The following KCNC4 variants were observed in gnomAD, a reference collection of about 807,000 sequenced individuals.
KCNC4 encodes potassium voltage-gated channel subfamily C member 4.
KCNC4 carries 23 observed loss-of-function variants against 42.8 expected under a neutral mutation model. That is an observed-to-expected ratio of 0.54 (90% CI 0.39 to 0.76). KCNC4 has a LOEUF of 0.76. Among genes scored for constraint, KCNC4 ranks in the 30% least tolerant of loss-of-function variants. The probability of loss-of-function intolerance (pLI) is 0.00; values close to 1 mark genes in which losing one functional copy is unlikely to be tolerated. For synonymous variants in KCNC4, 422 were observed against 393.5 expected (o/e 1.07, Z -0.86); for missense variants, 751 against 898.2 (o/e 0.84, Z 2.10).
chr1:110,223,852 A>G lies in KCNC4; in HGVS notation c.1567A>G (p.Thr523Ala). 6.2e-7 allele frequency: 1 copy of G among 1,607,524 alleles called. No individual in the cohort carries two copies. Among genetic ancestry groups the G allele is most frequent in the East Asian group, 2.2e-5 (1 of 44,758 alleles). The change falls in exon 2 of 4, where the codon ACC (threonine) becomes GCC (alanine). Residue 523 changes from threonine to alanine, a missense_variant. By Grantham distance (58) the Thr-to-Ala change is moderately conservative (BLOSUM62 0). Coordinates refer to ENST00000438661, the MANE Select transcript of KCNC4 (RefSeq NM_001039574.3). The surrounding 1 kb of genome is among the most constrained non-coding windows in gnomAD (Gnocchi z 7.5). Reference sequence around the variant, plus strand: ...CCCCCGGGACAGCACCTGCAGTGATACCAGCCCCCCTGCCCGGGAAGAGGG... The same window carrying G: ...CCCCCGGGACAGCACCTGCAGTGATGCCAGCCCCCCTGCCCGGGAAGAGGG... ...TSPRDSTCSD[T>A]SPPAREEGMI...
In KCNC4 at chr1:110,211,445, G is replaced by A; in HGVS notation, c.-55G>A. On this transcript the variant is annotated 5_prime_UTR_variant, in exon 1 of 4. Coordinates refer to ENST00000438661, the MANE Select transcript of KCNC4 (RefSeq NM_001039574.3). The surrounding 1 kb of genome is among the most constrained non-coding windows in gnomAD (Gnocchi z 6.5). ...CCCCCGTCTGACGCTGCCTCCTCGG[G>A]AAGGGTGTTTGGAGGGCAGCGGCCG... The A allele has an allele frequency of 6.5e-7, 1 of 1,543,496 alleles. No individual in the cohort carries two copies. The highest frequency in any genetic ancestry group is 8.8e-7 in the Non-Finnish European group (1 of 1,140,728).
chr1:110,263,597 C>G (rs770724925), intron 1 of KCNC4, among the ~76,000 whole-genome samples: 11 of 152,146 alleles, frequency 7.2e-5, no homozygotes, highest in Non-Finnish European at 1.5e-4. Flanking sequence ...CATCATCTGA[C>G]CCACAGTGTT....
At chr1:110,212,587 T>A (rs557703850) in intron 1 of KCNC4, among the ~76,000 whole-genome samples, 1 of 152,060 alleles carries the variant, frequency 6.6e-6, no homozygotes. Context: ...CAGGCAGGGT[T>A]GAGAGGAAGG....
intron 1 of KCNC4, among the ~76,000 whole-genome samples, chr1:110,276,299 CAAAAA>C (rs3062031): frequency 0.22 from 21,426 of 99,268 alleles, 1,227 homozygotes; most frequent in South Asian, 0.36. Context: ...TCAATTTATA[CAAAAA>C]AAAAAAAAAA....
intron 1 of KCNC4, among the ~76,000 whole-genome samples, chr1:110,261,790 A>C (rs1235328323): frequency 6.6e-6 from 1 of 152,240 alleles, no homozygotes; most frequent in Non-Finnish European, 1.5e-5. Flanking sequence ...GAAATGGGAT[A>C]TGGAGTGACC....
At chr1:110,242,766 T>C (rs1659056011) in exon 4 of KCNC4, 1 of 149,104 alleles carries the variant, frequency 6.7e-6, no homozygotes, top group Non-Finnish European at 1.5e-5. Flanking sequence ...CCCCAGGAGG[T>C]AAGGGCTCTT....
intron 1 of KCNC4, among the ~76,000 whole-genome samples, chr1:110,216,656 G>A (rs779483717): frequency 1.4e-4 from 21 of 152,176 alleles, no homozygotes; most frequent in Non-Finnish European, 2.5e-4. Flanking sequence ...TTGGCCTTGA[G>A]GGTAGGAGAC....
At position 110,223,451 on chromosome 1, in the gene KCNC4, C is replaced by T; in HGVS notation, c.1166C>T (p.Ala389Val). 6.2e-7 allele frequency: 1 copy of T among 1,613,992 alleles called. No homozygotes were observed. Among genetic ancestry groups the T allele is most frequent in the Non-Finnish European group, 8.5e-7 (1 of 1,180,034 alleles). ...NEFLLLIIFLALGVLIFATMI... is the reference protein window; with the variant it reads ...NEFLLLIIFLVLGVLIFATMI... ...TTCCTGCTGCTTATCATCTTCCTGG[C>T]CCTGGGTGTGCTCATCTTTGCCACC... The change falls in exon 2 of 4, where the codon GCC becomes GTC. Residue 389 changes from alanine (A) to valine (V), a missense_variant. By Grantham distance (64) the Ala-to-Val change is moderately conservative. Coordinates refer to ENST00000438661, the MANE Select transcript of KCNC4 (RefSeq NM_001039574.3). The surrounding 1 kb of genome is among the most constrained non-coding windows in gnomAD (Gnocchi z 7.5).
intron 1 of KCNC4, among the ~76,000 whole-genome samples, chr1:110,258,478 C>T (rs1037953024): frequency 2.6e-5 from 4 of 152,146 alleles, no homozygotes; most frequent in East Asian, 1.9e-4. Flanking sequence ...CCTCATGATC[C>T]GCCCGCCTCA....
chr1:110,219,069 T>G (rs1388504343), intron 1 of KCNC4, among the ~76,000 whole-genome samples: 3 of 152,178 alleles, frequency 2.0e-5, no homozygotes, highest in African/African-American at 7.2e-5. Context: ...TGGAAAGAAC[T>G]AGCAGCTTCA....
intron 1 of KCNC4, among the ~76,000 whole-genome samples, chr1:110,273,001 G>C (rs6682717): frequency 0.55 from 83,203 of 152,048 alleles, 23,093 homozygotes; most frequent in Admixed American, 0.62. Context: ...TGGTGTCTAT[G>C]TAAATCTCCG....
chr1:110,266,843 C>T (rs1659548037), intron 1 of KCNC4, among the ~76,000 whole-genome samples: 1 of 152,152 alleles, frequency 6.6e-6, no homozygotes. Context: ...CCCGAGGACC[C>T]CGTGCCTTGA....
chr1:110,216,500 G>A (rs1657801917), intron 1 of KCNC4, among the ~76,000 whole-genome samples: 1 of 152,192 alleles, frequency 6.6e-6, no homozygotes, highest in Non-Finnish European at 1.5e-5. Flanking sequence ...ATCAACATTT[G>A]TCTCTGAACA....
downstream of KCNC4, among the ~76,000 whole-genome samples, chr1:110,251,600 A>G (rs564343240): frequency 6.6e-6 from 1 of 152,246 alleles, no homozygotes; most frequent in Non-Finnish European, 1.5e-5. Context: ...CATGAAGTCT[A>G]TAGTAGAAAG....
chr1:110,277,221 A>G (rs1389029748), intron 1 of KCNC4, among the ~76,000 whole-genome samples: 4 of 152,212 alleles, frequency 2.6e-5, no homozygotes, highest in African/African-American at 4.8e-5. Context: ...CTTTGAAATC[A>G]CTTGCTTTTT....
chr1:110,233,207 A>G lies in KCNC4; in HGVS notation c.*235A>G, dbSNP rs930344644. On this transcript the variant is annotated 3_prime_UTR_variant, in exon 4 of 4. Transcript: ENST00000438661. ...GCACATATAGTATCTATATTCATAC[A>G]TATTATACTCTTGTGTGTAGTGCAC... is the stretch of plus-strand genomic sequence containing the variant. 37 of 602,630 alleles carry G rather than the reference A, an allele frequency of 6.1e-5. No individual in the cohort carries two copies. The highest frequency in any genetic ancestry group is 4.4e-4 in the Middle Eastern group (1 of 2,286). The allele number at this position is 602,630 out of a possible 1,614,324, so 37.3% of individuals were successfully genotyped here. A position where few individuals can be genotyped will look rare whatever the true frequency, so the allele number is the denominator to read the frequency against.
At chr1:110,232,441 C>T (rs1658742795) in intron 3 of KCNC4, 10 of 1,480,574 alleles carry the variant, frequency 6.8e-6, no homozygotes, top group Admixed American at 2.2e-5. Flanking sequence ...GGTCAGGCAA[C>T]AGCTGGGGTG....
chr1:110,250,297 C>G (rs1030597362), downstream of KCNC4, among the ~76,000 whole-genome samples: 2 of 152,200 alleles, frequency 1.3e-5, no homozygotes, highest in Non-Finnish European at 2.9e-5. Context: ...GTCCTCCAGG[C>G]TGCCATCTGG....
downstream of KCNC4, among the ~76,000 whole-genome samples, chr1:110,251,590 C>T (rs981731855): frequency 6.6e-6 from 1 of 152,194 alleles, no homozygotes; most frequent in African/African-American, 2.4e-5. Context: ...CTAATACAAA[C>T]ATGAAGTCTA....
Sources: gnomAD v4.1 joint callset for allele counts (sites outside exome capture counted in the v4.1 genomes callset) on GRCh38, gnomAD v4.1.1 for gene constraint, Gnocchi (gnomAD v3.1) non-coding constraint, MANE v1.5 for transcripts, NCBI Gene and HGNC (gene_info 2026-07-23, HGNC 2026-07-21) for gene names.